The following HDDC2 variants were observed in gnomAD, a reference collection of about 807,000 sequenced individuals.
HDDC2 encodes the protein HD domain containing 2.
Under a neutral mutation model 25.5 loss-of-function variants are expected in HDDC2, and 25 were observed. The observed-to-expected ratio is 0.98, with a 90% confidence interval of 0.72 to 1.37. The LOEUF (loss-of-function observed/expected upper bound fraction) is 1.37, where lower values mean the gene tolerates loss of function less well. HDDC2 is among the 40% of genes most tolerant of loss of function. The probability of loss-of-function intolerance (pLI) is 0.00; values close to 1 mark genes in which losing one functional copy is unlikely to be tolerated. For missense variants in HDDC2, 264 were observed against 253.1 expected (o/e 1.04, Z -0.29); for synonymous variants, 106 against 89.7 (o/e 1.18, Z -1.03).
intron 4 of HDDC2, among the ~76,000 whole-genome samples, chr6:125,284,215 A>G (rs556795284): frequency 3.3e-5 from 5 of 152,224 alleles, no homozygotes; most frequent in Non-Finnish European, 7.3e-5. Flanking sequence ...AAACCCTAGA[A>G]GAAAACCTAG....
At chr6:125,298,899 A>AAT in intron 2 of HDDC2, 83 bp from the exon 3 acceptor site, 2 of 837,528 alleles carry the variant, frequency 2.4e-6, no homozygotes, top group Non-Finnish European at 3.8e-6. Context: ...AAAGTTATAT[A>AAT]ATATATATAT....
intron 3 of HDDC2, chr6:125,297,367 T>C: frequency 2.6e-6 from 1 of 389,818 alleles, no homozygotes; most frequent in Non-Finnish European, 4.5e-6. Flanking sequence ...GCCTGTATCT[T>C]GGACCTAAAC....
intron 3 of HDDC2, among the ~76,000 whole-genome samples, chr6:125,297,081 T>C (rs532004176): frequency 6.6e-5 from 10 of 152,354 alleles, no homozygotes; most frequent in Middle Eastern, 3.4e-3. Flanking sequence ...TGATTTCTCG[T>C]CCACAATGTC....
chr6:125,292,629 G>A (rs1406821128), intron 4 of HDDC2, among the ~76,000 whole-genome samples: 1 of 152,110 alleles, frequency 6.6e-6, no homozygotes, highest in African/African-American at 2.4e-5. Flanking sequence ...CCAGGAGTTG[G>A]GGTGGCGAGG....
At chr6:125,294,432 G>A (rs1237756912) in intron 3 of HDDC2, among the ~76,000 whole-genome samples, 1 of 152,258 alleles carries the variant, frequency 6.6e-6, no homozygotes, top group East Asian at 1.9e-4. Context: ...CCCTTAGTAG[G>A]AAGGAATTTA....
rs1245214105 is a variant in HDDC2 at position 125,275,746 on chromosome 6, A to G, written c.*400T>C. 1 of 171,262 alleles carries G rather than the reference A, an allele frequency of 5.8e-6. No individual in the cohort carries two copies. The allele number at this position is 171,262 out of a possible 1,614,324, so 10.6% of individuals were successfully genotyped here. On this transcript the variant is annotated 3_prime_UTR_variant, in exon 6 of 6. Coordinates refer to ENST00000398153, the MANE Select transcript of HDDC2 (RefSeq NM_016063.3). ...ACATTTTCTTTTCTGGATTCTTATC[A>G]CTAAATCAGCTGAAGAATCTGTTCT...
At chr6:125,278,527 A>C (rs1307790659) in intron 4 of HDDC2, 1 of 152,230 alleles carries the variant, frequency 6.6e-6, no homozygotes, top group Non-Finnish European at 1.5e-5. Context: ...TCCCTCAAAA[A>C]TTAATGATAT....
chr6:125,298,559 T>A (rs1798742851), intron 3 of HDDC2, 155 bp downstream of exon 3: 1 of 627,872 alleles, frequency 1.6e-6, no homozygotes, highest in Admixed American at 2.7e-5. Flanking sequence ...CCTGAATCTC[T>A]AAAAATATCT....
At chr6:125,288,306 G>A (rs555036805) in intron 4 of HDDC2, among the ~76,000 whole-genome samples, 2 of 152,190 alleles carry the variant, frequency 1.3e-5, no homozygotes, top group African/African-American at 2.4e-5. Context: ...GAGGTGACCC[G>A]AGGCCCACTG....
Position 125,298,683 on chromosome 6 carries a change from G to T in HDDC2, c.309+31C>A, listed in dbSNP as rs763984174. 3 of 1,554,704 alleles carry T rather than the reference G, an allele frequency of 1.9e-6. No individual in the cohort carries two copies. The African/African-American group carries it at 4.1e-5, about 21-fold the overall frequency. On this transcript the variant is annotated intron_variant, in intron 3 of 5. Coordinates refer to ENST00000398153, the MANE Select transcript of HDDC2 (RefSeq NM_016063.3). ...GCTTCAGCAAGAGGTTTTTCTGGTG[G>T]TTTTTTGCACAGTCAATAGTCAACA...
chr6:125,276,970 T>A (rs1382097985), intron 5 of HDDC2, 132 bp downstream of exon 5: 1 of 873,520 alleles, frequency 1.1e-6, no homozygotes, highest in African/African-American at 1.7e-5. Flanking sequence ...TTTCCTTCCC[T>A]TTCTTTTTAG....
At chr6:125,296,246 G>C (rs1224771029) in intron 3 of HDDC2, among the ~76,000 whole-genome samples, 3 of 152,184 alleles carry the variant, frequency 2.0e-5, no homozygotes, top group African/African-American at 7.2e-5. Flanking sequence ...GGTATGTGCA[G>C]GTGATATACA....
chr6:125,277,716 T>C (rs1381994590), intron 4 of HDDC2: 1 of 153,448 alleles, frequency 6.5e-6, no homozygotes, highest in African/African-American at 2.4e-5. Context: ...GTTACCACTT[T>C]ACCTGGGAAT....
intron 3 of HDDC2, among the ~76,000 whole-genome samples, chr6:125,297,255 T>C (rs1346731966): frequency 6.6e-6 from 1 of 152,244 alleles, no homozygotes; most frequent in Non-Finnish European, 1.5e-5. Context: ...TTTCTTTTTA[T>C]ATTAATTCTG....
At chr6:125,277,293 C>A in intron 4 of HDDC2, 53 bp from the exon 5 acceptor site, 2 of 1,576,752 alleles carry the variant, frequency 1.3e-6, no homozygotes, top group South Asian at 2.3e-5. Flanking sequence ...AATAGGGTAT[C>A]CTGGGAAAAT....
intron 4 of HDDC2, among the ~76,000 whole-genome samples, chr6:125,287,057 G>A (rs1424121833): frequency 6.6e-6 from 1 of 152,072 alleles, no homozygotes; most frequent in Non-Finnish European, 1.5e-5. Context: ...TAAAATAAGA[G>A]AACAGAGGAA....
At chr6:125,293,197 A>T (rs1452241887) in intron 3 of HDDC2, 10 of 474,432 alleles carry the variant, frequency 2.1e-5, no homozygotes, top group Non-Finnish European at 7.7e-6. Flanking sequence ...ACAATTACAG[A>T]AATATCAGAG....
chr6:125,280,209 C>A (rs1399620275), intron 4 of HDDC2, among the ~76,000 whole-genome samples: 1 of 152,188 alleles, frequency 6.6e-6, no homozygotes, highest in Non-Finnish European at 1.5e-5. Context: ...CATTCCGGCC[C>A]AGATACTGTG....
At chr6:125,301,663 T>G (rs1418684409) in intron 1 of HDDC2, among the ~76,000 whole-genome samples, 186 bp downstream of exon 1, 8 of 152,166 alleles carry the variant, frequency 5.3e-5, no homozygotes, top group African/African-American at 1.9e-4. Context: ...TCCCGCCGGC[T>G]GCTTCCTCCG....
Sources: gnomAD v4.1 joint callset for allele counts (sites outside exome capture counted in the v4.1 genomes callset) on GRCh38, gnomAD v4.1.1 for gene constraint, MANE v1.5 for transcripts, NCBI Gene and HGNC (gene_info 2026-07-23, HGNC 2026-07-21) for gene names.